Variants in CREBRF observed in about 807,000 individuals in gnomAD.
The protein encoded by CREBRF is CREB3 regulatory factor.
Under a neutral mutation model 66.1 loss-of-function variants are expected in CREBRF, and 5 were observed. The observed-to-expected ratio is 0.08, with a 90% CI of 0.04 to 0.16. The LOEUF is 0.16. CREBRF is among the 10% of genes least tolerant of loss of function. The pLI is 1.00. For synonymous variants in CREBRF, 229 were observed against 264.4 expected (o/e 0.87, Z 1.30); for missense variants, 531 against 744.9 (o/e 0.71, Z 3.34).
At chr5:173,070,080 A>G (rs1414039191) in intron 1 of CREBRF, among the ~76,000 whole-genome samples, 5 of 151,886 alleles carry the variant, frequency 3.3e-5, no homozygotes, top group Non-Finnish European at 7.4e-5. Flanking sequence ...TTTTCAGTAG[A>G]GATGGTTTCG....
At chr5:173,056,741 G>A (rs1370717962) in intron 1 of CREBRF, among the ~76,000 whole-genome samples, 1 of 152,062 alleles carries the variant, frequency 6.6e-6, no homozygotes, top group African/African-American at 2.4e-5. Flanking sequence ...GCGGTAGATG[G>A]GACTCGCGGG....
intron 4 of CREBRF, among the ~76,000 whole-genome samples, chr5:173,097,173 A>G (rs1758497572): frequency 6.6e-6 from 1 of 152,146 alleles, no homozygotes; most frequent in Non-Finnish European, 1.5e-5. Context: ...TTAGAGAAGG[A>G]TTGGTATTAA....
chr5:173,062,507 C>G (rs1043910989), intron 1 of CREBRF, among the ~76,000 whole-genome samples: 4 of 151,992 alleles, frequency 2.6e-5, no homozygotes, highest in Non-Finnish European at 5.9e-5. Context: ...TTTAGAGAAG[C>G]TATTTTGATG....
intron 7 of CREBRF, among the ~76,000 whole-genome samples, chr5:173,115,553 A>AT (rs1312468577): frequency 2.0e-5 from 3 of 152,110 alleles, no homozygotes; most frequent in African/African-American, 4.8e-5. Context: ...AGAAACATAG[A>AT]TTTTTTGTTT....
chr5:173,091,428 G>T, intron 4 of CREBRF, 27 bp downstream of exon 4: 1 of 1,601,954 alleles, frequency 6.2e-7, no homozygotes, highest in East Asian at 2.2e-5. Flanking sequence ...AAGCTTACCA[G>T]ACTGACCTTT....
chr5:173,074,620 ATTTTTATT>A (rs1314494872), intron 1 of CREBRF, among the ~76,000 whole-genome samples: 1 of 151,044 alleles, frequency 6.6e-6, no homozygotes, highest in Non-Finnish European at 1.5e-5. Context: ...ATTTTTATTT[ATTTTTATT>A]TTTTTATTTT....
intron 8 of CREBRF, among the ~76,000 whole-genome samples, chr5:173,131,179 C>T (rs1759414731): frequency 6.6e-6 from 1 of 152,196 alleles, no homozygotes; most frequent in African/African-American, 2.4e-5. Flanking sequence ...TTATTTCTAC[C>T]TCTATCTACA....
At position 173,104,711 on chromosome 5, in the gene CREBRF, C is replaced by CAGAG. The variant is rs112995190; in HGVS notation, c.1223-3886_1223-3883dup. On this transcript the variant is annotated intron_variant, in intron 4 of 8. Transcript: ENST00000296953. The stretch of plus-strand genomic sequence containing the variant: ...GGTGGATGGCTTTAGGCAACAAATT[C>CAGAG]AGAGAGAGAGAGAGAGAGAGAGAGA... 5.9e-3 allele frequency among the ~76,000 whole-genome samples: 858 copies of CAGAG among 146,582 alleles called. 6 individuals are homozygous for CAGAG. Among genetic ancestry groups the CAGAG allele is most frequent in the African/African-American group, 0.02 (770 of 39,456 alleles).
intron 4 of CREBRF, among the ~76,000 whole-genome samples, chr5:173,100,218 C>G (rs1437315363): frequency 7.5e-5 from 11 of 147,428 alleles, no homozygotes; most frequent in Non-Finnish European, 1.3e-4. Context: ...TCAAGTGATC[C>G]GCCCACCTCG....
intron 2 of CREBRF, chr5:173,085,864 A>G (rs1476653213): frequency 6.3e-6 from 5 of 799,886 alleles, no homozygotes; most frequent in African/African-American, 5.0e-5. Flanking sequence ...TAGAGGGGTC[A>G]TCTCTGAGAT....
intron 6 of CREBRF, among the ~76,000 whole-genome samples, chr5:173,111,638 A>G (rs1476159385): frequency 1.3e-5 from 2 of 152,204 alleles, no homozygotes; most frequent in Non-Finnish European, 2.9e-5. Context: ...GTGGGGATAT[A>G]CTACAGTTTA....
At chr5:173,119,301 A>G (rs932397008) in intron 7 of CREBRF, among the ~76,000 whole-genome samples, 4 of 152,214 alleles carry the variant, frequency 2.6e-5, no homozygotes, top group Non-Finnish European at 4.4e-5. Context: ...TTTCCGATCC[A>G]TGGACCTGGT....
chr5:173,100,118 G>GTGTGTGTGTGTGTGTATA (rs70984939), intron 4 of CREBRF, among the ~76,000 whole-genome samples: 1 of 88,332 alleles, frequency 1.1e-5, no homozygotes, highest in African/African-American at 4.9e-5. Flanking sequence ...GTGTGTGTGT[G>GTGTGTGTGTGTGTGTATA]TATATATATA....
At chr5:173,058,891 G>A (rs566451285) in intron 1 of CREBRF, among the ~76,000 whole-genome samples, 69 of 148,286 alleles carry the variant, frequency 4.7e-4, no homozygotes, top group Non-Finnish European at 9.2e-4. Flanking sequence ...CGCCTGCCGG[G>A]TTCTAGCAAT....
At position 173,137,560 on chromosome 5, in the gene CREBRF, A is replaced by AT. The variant is rs1678675586; in HGVS notation, c.*3820dup. On this transcript the variant is annotated 3_prime_UTR_variant, in exon 9 of 9. Transcript: ENST00000296953. Reference sequence around the variant, plus strand: ...TCATCAGCTTGAAATTGACTATTTCATTTTTCCAGGATTTTTTAGGAGAAG... The same window carrying AT: ...TCATCAGCTTGAAATTGACTATTTCATTTTTTCCAGGATTTTTTAGGAGAAG... 1 of 151,948 alleles carries AT rather than the reference A, an allele frequency of 6.6e-6. No individual in the cohort carries two copies. The highest frequency in any genetic ancestry group is 2.4e-5 in the African/African-American group (1 of 41,398). The allele number at this position is 151,948 out of a possible 1,614,324, so 9.4% of individuals were successfully genotyped here. A position where few individuals can be genotyped will look rare whatever the true frequency, so the allele number is the denominator to read the frequency against.
At chr5:173,082,734 C>G (rs2113712914) in intron 2 of CREBRF, among the ~76,000 whole-genome samples, 1 of 150,626 alleles carries the variant, frequency 6.6e-6, no homozygotes, top group African/African-American at 2.4e-5. Flanking sequence ...ATGGTGAAAC[C>G]CTGTCTCTAC....
chr5:173,083,930 T>G (rs1758048685), intron 2 of CREBRF, among the ~76,000 whole-genome samples: 1 of 152,210 alleles, frequency 6.6e-6, no homozygotes, highest in African/African-American at 2.4e-5. Flanking sequence ...GCAATACTTT[T>G]CTTCATGTAT....
chr5:173,110,778 T>G, intron 6 of CREBRF, 67 bp downstream of exon 6: 1 of 1,138,652 alleles, frequency 8.8e-7, no homozygotes, highest in Non-Finnish European at 1.2e-6. Context: ...CTAAGTGAGT[T>G]TTTATAGAAG....
chr5:173,063,472 A>T (rs1013965832), intron 1 of CREBRF, among the ~76,000 whole-genome samples: 27 of 151,612 alleles, frequency 1.8e-4, no homozygotes, highest in African/African-American at 6.5e-4. Flanking sequence ...GGTTCAAGCG[A>T]TTTTCCTGTC....
Sources: allele counts gnomAD v4.1 joint callset (sites outside exome capture counted in the v4.1 genomes callset), GRCh38; gene constraint gnomAD v4.1.1; transcripts MANE v1.5; gene names NCBI Gene and HGNC (gene_info 2026-07-23, HGNC 2026-07-21).